Variants in CCN4 observed in about 807,000 individuals in gnomAD.
CCN4 encodes cellular communication network factor 4, also known as CCN family member 4.
In CCN4, 30 loss-of-function variants were observed where a neutral mutation model predicts 36.7. The ratio of observed to expected loss-of-function variants is 0.82; its 90% CI spans 0.61 to 1.11. CCN4 has a LOEUF of 1.11. Among genes scored for constraint, CCN4 ranks in the 50% least tolerant of loss-of-function variants. The pLI is 0.00. For missense variants in CCN4, 505 were observed against 504.9 expected, an observed-to-expected ratio of 1.00 and a Z score of 0.00; for synonymous variants, 191 against 195.4, an observed-to-expected ratio of 0.98 and a Z score of 0.19.
At chr8:133,211,333 T>C (rs771953649) in intron 1 of CCN4, among the ~76,000 whole-genome samples, 1 of 152,252 alleles carries the variant, frequency 6.6e-6, no homozygotes, top group African/African-American at 2.4e-5. Flanking sequence ...ATAGGGACTT[T>C]TAACGCTTAT....
intron 2 of CCN4, among the ~76,000 whole-genome samples, chr8:133,220,237 A>T (rs1231832100): frequency 6.6e-6 from 1 of 152,132 alleles, no homozygotes; most frequent in Admixed American, 6.5e-5. Context: ...ATGAGCCCTA[A>T]TGGCAGGTCT....
At chr8:133,206,745 GA>G (rs1324130769) in intron 1 of CCN4, among the ~76,000 whole-genome samples, 1 of 152,190 alleles carries the variant, frequency 6.6e-6, no homozygotes, top group Non-Finnish European at 1.5e-5. Context: ...GCTGCCAGTG[GA>G]TGGGCACAAG....
At chr8:133,200,522 G>C (rs1409746007) in intron 1 of CCN4, among the ~76,000 whole-genome samples, 1 of 152,240 alleles carries the variant, frequency 6.6e-6, no homozygotes, top group Admixed American at 6.5e-5. Flanking sequence ...CCCAGGCCTG[G>C]GACATGAAAG....
chr8:133,207,034 G>C (rs2977536), intron 1 of CCN4, among the ~76,000 whole-genome samples: 55,358 of 152,124 alleles, frequency 0.36, 11,061 homozygotes, highest in East Asian at 0.69. Flanking sequence ...GAGGTGGAGA[G>C]TGTAAGCACA....
Position 133,228,070 on chromosome 8 carries a change from C to T in CCN4, c.*360C>T. ...ATATCACTAATTTCTTCTTTAGATG[C>T]CAAACCACAAGACTCTTTGGGTCCA... On this transcript the variant is annotated 3_prime_UTR_variant, in exon 5 of 5. Coordinates refer to ENST00000250160, the MANE Select transcript of CCN4 (RefSeq NM_003882.4). 1 of 197,844 alleles carries T rather than the reference C, an allele frequency of 5.1e-6. No homozygotes were observed. 12.3% of individuals were successfully genotyped at this position (197,844 alleles called of 1,614,324 possible).
rs1225784622 is a variant in CCN4, at chr8:133,201,353, A to C, written c.69+10140A>C. On this transcript the variant is annotated intron_variant, in intron 1 of 4. Coordinates refer to ENST00000250160, the MANE Select transcript of CCN4 (RefSeq NM_003882.4). Reference sequence around the variant, plus strand: ...TTCAAAGAAACCATCTGTTAAAAAAAATTATTTGGGAGAGTGCAATCTGAA... The same window carrying C: ...TTCAAAGAAACCATCTGTTAAAAAACATTATTTGGGAGAGTGCAATCTGAA... Among the ~76,000 whole-genome samples the C allele has an allele frequency of 2.6e-5, 4 of 152,324 alleles. No individual in the cohort carries two copies. The East Asian group carries it at 5.8e-4, about 22-fold the overall frequency.
intron 1 of CCN4, among the ~76,000 whole-genome samples, chr8:133,205,779 G>A (rs1853750951): frequency 6.6e-6 from 1 of 152,206 alleles, no homozygotes; most frequent in Non-Finnish European, 1.5e-5. Context: ...CTATTTTTGA[G>A]ATCCTACAGA....
In CCN4 at chr8:133,228,607, G is replaced by C. The variant is rs1425168125; in HGVS notation, c.*897G>C. 6.6e-6 allele frequency: 1 copy of C among 152,346 alleles called. No homozygotes were observed. Among genetic ancestry groups the C allele is most frequent in the Non-Finnish European group, 1.5e-5 (1 of 68,104 alleles). 9.4% of individuals were successfully genotyped at this position (152,346 alleles called of 1,614,324 possible). On this transcript the variant is annotated 3_prime_UTR_variant, in exon 5 of 5. Transcript: ENST00000250160. ...CTCTGGACTGGCCTGTCTGGCCCCT[G>C]AGAGTGGTGCCCTGGAACACTCCTC...
intron 2 of CCN4, among the ~76,000 whole-genome samples, chr8:133,213,636 T>A (rs4354288): frequency 0.69 from 103,191 of 149,976 alleles, 36,338 homozygotes; most frequent in African/African-American, 0.86. Flanking sequence ...CTCAGTTACT[T>A]CAGTCACTTA....
intron 1 of CCN4, among the ~76,000 whole-genome samples, chr8:133,194,211 T>C (rs1202885016): frequency 1.3e-5 from 2 of 151,956 alleles, no homozygotes; most frequent in African/African-American, 2.4e-5. Flanking sequence ...TGTGCATAGC[T>C]GCACTGTGTG....
intron 1 of CCN4, among the ~76,000 whole-genome samples, chr8:133,209,090 G>A (rs563899364): frequency 2.0e-5 from 3 of 152,238 alleles, no homozygotes; most frequent in South Asian, 4.1e-4. Flanking sequence ...AATAATCCTC[G>A]GTCCCTAGAA....
intron 1 of CCN4, 42 bp downstream of exon 1, chr8:133,191,255 C>T: frequency 3.8e-6 from 6 of 1,584,096 alleles, no homozygotes; most frequent in Non-Finnish European, 5.1e-6. Flanking sequence ...ACCCAGCTCC[C>T]TTCTCTACTG....
chr8:133,225,388 A>T lies in CCN4; in HGVS notation c.611-2A>T, dbSNP rs1854689267. On this transcript the variant is annotated splice_acceptor_variant, in intron 3 of 4. Coordinates refer to ENST00000250160, the MANE Select transcript of CCN4 (RefSeq NM_003882.4). LOFTEE classifies it high-confidence loss of function. ...CATGCAGATTCTGTTCCCCACACAC[A>T]GATGCTGTGGGTGAGGTGGAGGCAT... 2.5e-6 allele frequency: 4 copies of T among 1,595,072 alleles called. No individual in the cohort carries two copies. The highest frequency in any genetic ancestry group is 3.4e-6 in the Non-Finnish European group (4 of 1,167,512).
chr8:133,213,327 C>T (rs2130582496), intron 2 of CCN4, among the ~76,000 whole-genome samples, 184 bp downstream of exon 2: 1 of 152,258 alleles, frequency 6.6e-6, no homozygotes. Context: ...AGGATGCCTG[C>T]ACTCTTCTCG....
intron 3 of CCN4, among the ~76,000 whole-genome samples, chr8:133,222,221 T>C (rs1430478283): frequency 6.6e-6 from 1 of 152,056 alleles, no homozygotes. Context: ...GTAGAGGCAG[T>C]GAAGAAGGAA....
intron 2 of CCN4, among the ~76,000 whole-genome samples, chr8:133,218,168 C>T (rs778560962): frequency 2.0e-5 from 3 of 152,100 alleles, no homozygotes; most frequent in Non-Finnish European, 2.9e-5. Context: ...CTTGAACAAA[C>T]GAATCATTTA....
In CCN4 at chr8:133,191,114, C is replaced by T. The variant is rs370168550; in HGVS notation, c.-31C>T. 1.6e-5 allele frequency: 25 copies of T among 1,603,462 alleles called. No homozygotes were observed. The African/African-American group carries it at 2.1e-4, about 14-fold the overall frequency. ...AGGTGGTCGGATCCTCTGGGCTGCT[C>T]GGTCGATGCCTGTGCCACTGACGTC... On this transcript the variant is annotated 5_prime_UTR_variant, in exon 1 of 5. Transcript: ENST00000250160.
chr8:133,214,015 GTAGTTATACATAC>G (rs1854197558), intron 2 of CCN4, among the ~76,000 whole-genome samples: 7 of 2,908 alleles, frequency 2.4e-3, no homozygotes, highest in Non-Finnish European at 4.1e-3. Context: ...ACTATATATA[GTAGTTATACATAC>G]TATATATACA....
chr8:133,202,992 G>C (rs1038837829), intron 1 of CCN4, among the ~76,000 whole-genome samples: 7 of 152,260 alleles, frequency 4.6e-5, no homozygotes, highest in African/African-American at 1.7e-4. Context: ...GTGAACAGAA[G>C]CTGCTTCCAG....
Sources: allele counts gnomAD v4.1 joint callset (sites outside exome capture counted in the v4.1 genomes callset), GRCh38; gene constraint gnomAD v4.1.1; transcripts MANE v1.5; gene names NCBI Gene and HGNC (gene_info 2026-07-23, HGNC 2026-07-21).